ARL13B: variants seen among roughly 807,000 people sequenced by gnomAD.
ARL13B encodes ADP-ribosylation factor-like protein 13B.
In ARL13B, 36 loss-of-function variants were observed where a neutral mutation model predicts 56.1. That is an observed-to-expected ratio of 0.64 (90% CI 0.49 to 0.85). The LOEUF (loss-of-function observed/expected upper bound fraction) is 0.85. Ranked by LOEUF, ARL13B falls within the 40% of genes least tolerant of loss-of-function variation. The pLI is 0.00. For missense variants in ARL13B, 519 were observed against 507.1 expected, an observed-to-expected ratio of 1.02 and a Z score of -0.23; for synonymous variants, 178 against 171.1, an observed-to-expected ratio of 1.04 and a Z score of -0.32.
At chr3:94,044,005 A>G (rs1483648300) in intron 7 of ARL13B, among the ~76,000 whole-genome samples, 1 of 151,862 alleles carries the variant, frequency 6.6e-6, no homozygotes, top group Non-Finnish European at 1.5e-5. Context: ...TCGGCTCGCT[A>G]CAACCTCCAC....
At chr3:93,990,153 C>T (rs1371066369) in intron 1 of ARL13B, among the ~76,000 whole-genome samples, 1 of 151,918 alleles carries the variant, frequency 6.6e-6, no homozygotes, top group African/African-American at 2.4e-5. Context: ...TGCAGGTGGG[C>T]GCCACCAAGC....
intron 3 of ARL13B, among the ~76,000 whole-genome samples, chr3:94,027,817 T>G (rs2076589600): frequency 6.6e-6 from 1 of 152,118 alleles, no homozygotes; most frequent in Non-Finnish European, 1.5e-5. Flanking sequence ...TAAAGGTTAG[T>G]GAGTACTTCG....
intron 7 of ARL13B, 25 bp from the exon 8 acceptor site, chr3:94,049,381 A>T (rs529430843): frequency 1.4e-6 from 2 of 1,411,946 alleles, no homozygotes; most frequent in African/African-American, 1.4e-5. Context: ...TAAAGACATG[A>T]AGTTTCATGT....
intron 3 of ARL13B, chr3:94,014,785 C>G: frequency 6.2e-7 from 1 of 1,613,940 alleles, no homozygotes; most frequent in Non-Finnish European, 8.5e-7. Flanking sequence ...AAATGTCTTG[C>G]ACTTCTCTTG....
intron 9 of ARL13B, among the ~76,000 whole-genome samples, chr3:94,052,927 A>G (rs773033644): frequency 3.9e-5 from 6 of 152,140 alleles, no homozygotes; most frequent in Non-Finnish European, 8.8e-5. Flanking sequence ...AATAAGTAAT[A>G]TGTGATTAAT....
intron 3 of ARL13B, among the ~76,000 whole-genome samples, chr3:94,024,264 A>G (rs2076509825): frequency 6.6e-6 from 1 of 152,198 alleles, no homozygotes; most frequent in Admixed American, 6.5e-5. Context: ...CTGAAGTGCT[A>G]GTTGCCACAT....
chr3:94,006,727 A>G (rs1208013320), intron 3 of ARL13B, among the ~76,000 whole-genome samples: 2 of 152,238 alleles, frequency 1.3e-5, no homozygotes, highest in African/African-American at 2.4e-5. Context: ...TACAATTTTG[A>G]TAATTTTACT....
intron 2 of ARL13B, among the ~76,000 whole-genome samples, chr3:93,997,159 T>C (rs1264712589): frequency 2.6e-5 from 4 of 152,234 alleles, no homozygotes; most frequent in Non-Finnish European, 5.9e-5. Flanking sequence ...ATTATTTCAT[T>C]ATGTATTACA....
At chr3:93,997,640 CCTT>C (rs1489828861) in intron 2 of ARL13B, among the ~76,000 whole-genome samples, 3 of 152,164 alleles carry the variant, frequency 2.0e-5, no homozygotes, top group African/African-American at 4.8e-5. Context: ...CATCCAGTCT[CCTT>C]CTGAACTACA....
intron 3 of ARL13B, among the ~76,000 whole-genome samples, chr3:94,015,573 AG>A (rs1407758007): frequency 6.6e-6 from 1 of 152,186 alleles, no homozygotes; most frequent in East Asian, 1.9e-4. Flanking sequence ...GTCACATGAT[AG>A]TTTTTTTTTG....
intron 3 of ARL13B, among the ~76,000 whole-genome samples, chr3:94,007,903 T>C (rs960685962): frequency 6.6e-6 from 1 of 152,208 alleles, no homozygotes; most frequent in Admixed American, 6.5e-5. Context: ...CATAATATTT[T>C]AATTCTTCTG....
chr3:94,026,883 C>T (rs903653996), intron 3 of ARL13B, among the ~76,000 whole-genome samples: 2 of 152,022 alleles, frequency 1.3e-5, no homozygotes, highest in African/African-American at 4.8e-5. Context: ...AACACTAACT[C>T]GTATGTATGA....
intron 1 of ARL13B, chr3:93,988,915 C>G (rs1286982166): frequency 1.3e-5 from 4 of 317,224 alleles, no homozygotes; most frequent in African/African-American, 4.5e-5. Context: ...CTTCGCCACC[C>G]CTTCGGCTGA....
chr3:93,987,516 T>A (rs966780234), intron 1 of ARL13B, among the ~76,000 whole-genome samples: 1 of 152,220 alleles, frequency 6.6e-6, no homozygotes, highest in Admixed American at 6.5e-5. Flanking sequence ...TTGATTTTTT[T>A]TTGTTTTTAC....
intron 5 of ARL13B, among the ~76,000 whole-genome samples, chr3:94,039,132 A>G (rs2076819397): frequency 6.6e-6 from 1 of 152,186 alleles, no homozygotes. Context: ...AAATAAAAAC[A>G]TAGGTTGAGT....
chr3:94,012,479 C>T (rs541786374), intron 3 of ARL13B, among the ~76,000 whole-genome samples: 1 of 152,122 alleles, frequency 6.6e-6, no homozygotes. Flanking sequence ...TTTTCCACCA[C>T]CACTATATAG....
intron 3 of ARL13B, chr3:94,015,346 GA>G: frequency 2.4e-6 from 3 of 1,274,772 alleles, no homozygotes; most frequent in Non-Finnish European, 2.1e-6. Flanking sequence ...AGTAGCAGTT[GA>G]CTTCACATAA....
Position 94,035,344 on chromosome 3 carries a change from C to A in ARL13B, c.394C>A (p.Gln132Lys). The A allele has an allele frequency of 6.2e-7, 1 of 1,602,508 alleles. No individual in the cohort carries two copies. The highest frequency in any genetic ancestry group is 1.1e-5 in the South Asian group (1 of 89,344). ...GKPILVLANK[Q>K]DKEGALGEAD... ...ATTATCTTTCAGGTTGGCAAATAAA[C>A]AAGATAAAGAAGGAGCTTTAGGAGA... is the stretch of plus-strand genomic sequence containing the variant. The change falls in exon 4 of 10, where the codon CAA becomes AAA. Residue 132 changes from glutamine (Q) to lysine (K), a missense_variant. Gln to Lys is a moderately conservative substitution (Grantham distance 53). Transcript: ENST00000394222.
chr3:94,040,991 A>G (rs890537796), intron 6 of ARL13B, among the ~76,000 whole-genome samples: 5 of 152,180 alleles, frequency 3.3e-5, no homozygotes, highest in Admixed American at 6.5e-5. Context: ...TCCCAAATTA[A>G]TAAGTGGCAT....
Sources: allele counts gnomAD v4.1 joint callset (sites outside exome capture counted in the v4.1 genomes callset), GRCh38; gene constraint gnomAD v4.1.1; transcripts MANE v1.5; gene names NCBI Gene and HGNC (gene_info 2026-07-23, HGNC 2026-07-21).